Variants in ZMIZ1 observed in about 807,000 individuals in gnomAD.
ZMIZ1 encodes zinc finger MIZ-type containing 1, also known as zinc finger MIZ domain-containing protein 1.
A neutral mutation model predicts 113.9 loss-of-function variants in ZMIZ1; 17 were observed. The ratio of observed to expected loss-of-function variants is 0.15; its 90% confidence interval spans 0.10 to 0.22. The LOEUF is 0.22. Ranked by LOEUF, ZMIZ1 falls within the 10% of genes least tolerant of loss-of-function variation. ZMIZ1 has a pLI of 1.00. For synonymous variants in ZMIZ1, 607 were observed against 603.1 expected (o/e 1.01, Z -0.09); for missense variants, 1,059 against 1,477.8 (o/e 0.72, Z 4.65).
chr10:79,246,436 G>T (rs1178435163), intron 7 of ZMIZ1, among the ~76,000 whole-genome samples: 1 of 152,220 alleles, frequency 6.6e-6, no homozygotes, highest in Non-Finnish European at 1.5e-5. Flanking sequence ...GGGCAAGGGA[G>T]GTGTTTACCT....
At chr10:79,153,585 A>G (rs576007850) in intron 3 of ZMIZ1, among the ~76,000 whole-genome samples, 2 of 152,278 alleles carry the variant, frequency 1.3e-5, no homozygotes, top group Non-Finnish European at 2.9e-5. Flanking sequence ...TGCGGGAGAG[A>G]CCTGATGTTC....
intron 4 of ZMIZ1, among the ~76,000 whole-genome samples, chr10:79,197,051 G>GCCT (rs1245258740): frequency 6.6e-6 from 1 of 152,224 alleles, no homozygotes; most frequent in East Asian, 1.9e-4. Context: ...CCTGCTGGCT[G>GCCT]CCTGGGCCAC....
rs768393995 is a variant in ZMIZ1, at chr10:79,306,360, C to T, written c.2668+16C>T. On this transcript the variant is annotated intron_variant, in intron 22 of 24. Coordinates refer to ENST00000334512, the MANE Select transcript of ZMIZ1 (RefSeq NM_020338.4). Reference sequence around the variant, plus strand: ...AGCAGCCAAGGTGGGTGATGCCAGGCAGGGAGGAAGGGAGAAGGAGGGCAG... The same window carrying T: ...AGCAGCCAAGGTGGGTGATGCCAGGTAGGGAGGAAGGGAGAAGGAGGGCAG... 1.2e-6 allele frequency: 2 copies of T among 1,604,494 alleles called. No homozygotes were observed. The highest frequency in any genetic ancestry group is 1.7e-6 in the Non-Finnish European group (2 of 1,179,234).
At chr10:79,227,365 A>G (rs918114677) in intron 7 of ZMIZ1, among the ~76,000 whole-genome samples, 6 of 152,180 alleles carry the variant, frequency 3.9e-5, no homozygotes, top group African/African-American at 1.4e-4. Flanking sequence ...CCAATTTCAG[A>G]TATTTTTTCC....
chr10:79,083,806 G>C (rs1842730176), intron 1 of ZMIZ1, among the ~76,000 whole-genome samples: 1 of 152,196 alleles, frequency 6.6e-6, no homozygotes, highest in African/African-American at 2.4e-5. Flanking sequence ...CCGTGAAACA[G>C]GCTGAGCTAG....
At chr10:79,181,796 G>A (rs1034897603) in intron 4 of ZMIZ1, among the ~76,000 whole-genome samples, 1 of 152,102 alleles carries the variant, frequency 6.6e-6, no homozygotes, top group Non-Finnish European at 1.5e-5. Context: ...AGTCCCCATG[G>A]CATTTGTCCC....
chr10:79,215,727 CA>C (rs1207837974), intron 6 of ZMIZ1, among the ~76,000 whole-genome samples: 1 of 152,052 alleles, frequency 6.6e-6, no homozygotes, highest in South Asian at 2.1e-4. Flanking sequence ...GAGCCCTCCC[CA>C]GTAGTGGGTG....
intron 1 of ZMIZ1, among the ~76,000 whole-genome samples, chr10:79,107,360 G>C (rs1260847957): frequency 6.6e-6 from 1 of 152,174 alleles, no homozygotes; most frequent in Non-Finnish European, 1.5e-5. Flanking sequence ...TTCTCTCTCT[G>C]TGCCTCAGTT....
intron 7 of ZMIZ1, among the ~76,000 whole-genome samples, chr10:79,250,592 C>G (rs1334225667): frequency 6.6e-6 from 1 of 152,246 alleles, no homozygotes; most frequent in African/African-American, 2.4e-5. Flanking sequence ...CCCTGGACTT[C>G]TGAAGCCCGC....
At chr10:79,138,538 G>A (rs1845118002) in intron 2 of ZMIZ1, among the ~76,000 whole-genome samples, 1 of 152,186 alleles carries the variant, frequency 6.6e-6, no homozygotes, top group Non-Finnish European at 1.5e-5. Flanking sequence ...GCCAAAAATG[G>A]TCTTGCCCAG....
At chr10:79,256,363 C>T (rs944258556) in intron 7 of ZMIZ1, among the ~76,000 whole-genome samples, 3 of 152,134 alleles carry the variant, frequency 2.0e-5, no homozygotes, top group African/African-American at 7.2e-5. Context: ...CCCACAGTAG[C>T]CTTCCCCACT....
intron 7 of ZMIZ1, among the ~76,000 whole-genome samples, chr10:79,217,847 A>G (rs1443731953): frequency 6.6e-6 from 1 of 152,200 alleles, no homozygotes; most frequent in Non-Finnish European, 1.5e-5. Flanking sequence ...CTTGCTAGAA[A>G]ATGGTCTTGG....
intron 1 of ZMIZ1, among the ~76,000 whole-genome samples, chr10:79,105,946 G>A (rs767366091): frequency 6.6e-6 from 1 of 152,210 alleles, no homozygotes; most frequent in Non-Finnish European, 1.5e-5. Flanking sequence ...TAGAAGGAAT[G>A]AGTGGGGAGG....
intron 7 of ZMIZ1, among the ~76,000 whole-genome samples, chr10:79,237,261 C>T (rs981679003): frequency 6.6e-5 from 10 of 152,142 alleles, no homozygotes; most frequent in Admixed American, 1.3e-4. Flanking sequence ...CTGGGTCACG[C>T]GGGGGGCTCA....
intron 1 of ZMIZ1, among the ~76,000 whole-genome samples, chr10:79,072,823 C>T (rs1312748686): frequency 6.6e-6 from 1 of 152,252 alleles, no homozygotes; most frequent in Non-Finnish European, 1.5e-5. Context: ...CCACGATTAC[C>T]CAGGACACTG....
At chr10:79,153,029 T>C (rs1050233661) in intron 3 of ZMIZ1, among the ~76,000 whole-genome samples, 1 of 152,200 alleles carries the variant, frequency 6.6e-6, no homozygotes, top group African/African-American at 2.4e-5. Flanking sequence ...GAAGGGTGAC[T>C]CCCCTGAGAA....
Position 79,080,230 on chromosome 10 carries a change from C to T in ZMIZ1, c.-337+10960C>T, listed in dbSNP as rs1221108418. Among the ~76,000 whole-genome samples the T allele has an allele frequency of 2.6e-5, 4 of 151,998 alleles. No individual in the cohort carries two copies. The East Asian group carries it at 5.8e-4, about 22-fold the overall frequency. On this transcript the variant is annotated intron_variant, in intron 1 of 24. Transcript: ENST00000334512. ...TCTCCGCCTGTCTGCCCTGTGTGCCCGGCATACCTGAGCTCCACAACCTCC... is the reference window on the plus strand; with the variant it reads ...TCTCCGCCTGTCTGCCCTGTGTGCCTGGCATACCTGAGCTCCACAACCTCC...
intron 3 of ZMIZ1, among the ~76,000 whole-genome samples, chr10:79,154,267 G>A (rs1305456102): frequency 6.6e-6 from 1 of 152,096 alleles, no homozygotes; most frequent in Admixed American, 6.5e-5. Context: ...AGGGTGGCAG[G>A]CTTGCACTCA....
chr10:79,073,247 A>G (rs985795985), intron 1 of ZMIZ1, among the ~76,000 whole-genome samples: 3 of 152,192 alleles, frequency 2.0e-5, no homozygotes, highest in Non-Finnish European at 4.4e-5. Context: ...GGTTGCTGGG[A>G]GAATGAGGCA....
Sources: gnomAD v4.1 joint callset for allele counts (sites outside exome capture counted in the v4.1 genomes callset) on GRCh38, gnomAD v4.1.1 for gene constraint, MANE v1.5 for transcripts, NCBI Gene and HGNC (gene_info 2026-07-23, HGNC 2026-07-21) for gene names.